Variants in SPATA9 observed in about 807,000 individuals in gnomAD.
SPATA9 encodes spermatogenesis-associated protein 9.
SPATA9 carries 27 observed loss-of-function variants against 25.5 expected under a neutral mutation model. The observed-to-expected ratio is 1.06, with a 90% CI of 0.78 to 1.46. The LOEUF (loss-of-function observed/expected upper bound fraction) is 1.46. Among genes scored for constraint, SPATA9 ranks in the 40% most tolerant of loss-of-function variants. SPATA9 has a pLI of 0.00. For synonymous variants in SPATA9, 102 were observed against 105.7 expected (o/e 0.97, Z 0.21); for missense variants, 282 against 297.5 (o/e 0.95, Z 0.38).
At chr5:95,695,760 TTAGA>T (rs1361905083) in intron 1 of SPATA9, among the ~76,000 whole-genome samples, 3 of 152,214 alleles carry the variant, frequency 2.0e-5, no homozygotes, top group African/African-American at 7.2e-5. Flanking sequence ...ATGCAGCTTC[TTAGA>T]TAGCCCAGTG....
At chr5:95,730,794 C>A in the SPATA9 span, 1 of 432,430 alleles carries the variant, frequency 2.3e-6, no homozygotes, top group Non-Finnish European at 4.7e-6. Context: ...GAACAAAGAA[C>A]TCTTTCTGCA....
At chr5:95,672,018 T>C (rs1176783331) in intron 3 of SPATA9, among the ~76,000 whole-genome samples, 1 of 151,518 alleles carries the variant, frequency 6.6e-6, no homozygotes. Context: ...CCACCCCCAA[T>C]GCCACGAACA....
chr5:95,689,647 G>A (rs1414269982), intron 1 of SPATA9, among the ~76,000 whole-genome samples: 1 of 151,982 alleles, frequency 6.6e-6, no homozygotes, highest in Non-Finnish European at 1.5e-5. Context: ...TATAGTGCAG[G>A]ACAAACACAT....
At chr5:95,663,398 T>G (rs958818577) in intron 4 of SPATA9, among the ~76,000 whole-genome samples, 2 of 152,220 alleles carry the variant, frequency 1.3e-5, no homozygotes, top group Admixed American at 1.3e-4. Flanking sequence ...TCTGGAATTA[T>G]GGTAATGTTT....
upstream of SPATA9, among the ~76,000 whole-genome samples, chr5:95,685,929 C>T (rs112126567): frequency 1.1e-3 from 167 of 152,244 alleles, no homozygotes; most frequent in Non-Finnish European, 1.6e-3. Flanking sequence ...CTTTGCCTCC[C>T]GGGTTCAAGC....
chr5:95,654,164 G>A (rs538433823), downstream of SPATA9: 1 of 1,612,554 alleles, frequency 6.2e-7, no homozygotes, highest in Admixed American at 1.7e-5. Flanking sequence ...AATGACAGCT[G>A]TTGTCCATGA....
intron 1 of SPATA9, among the ~76,000 whole-genome samples, chr5:95,695,469 G>C (rs6879292): frequency 0.18 from 27,885 of 151,992 alleles, 3,392 homozygotes; most frequent in African/African-American, 0.35. Context: ...GTGGTGGCAC[G>C]CACCTGCACT....
intron 1 of SPATA9, among the ~76,000 whole-genome samples, chr5:95,698,324 G>T (rs755423189): frequency 6.6e-6 from 1 of 151,968 alleles, no homozygotes. Flanking sequence ...GAGAGGGAAG[G>T]CTAAGTTCAC....
At chr5:95,721,452 G>A in the SPATA9 span, among the ~76,000 whole-genome samples, 1 of 152,176 alleles carries the variant, frequency 6.6e-6, no homozygotes, top group Non-Finnish European at 1.5e-5. Context: ...AACAGAATGG[G>A]CCTTGTCGGA....
At chr5:95,707,329 A>C in the SPATA9 span, among the ~76,000 whole-genome samples, 1 of 152,190 alleles carries the variant, frequency 6.6e-6, no homozygotes, top group African/African-American at 2.4e-5. Flanking sequence ...CTTTAGAACA[A>C]GAATAATTGT....
the SPATA9 span, among the ~76,000 whole-genome samples, chr5:95,708,011 C>T: frequency 2.6e-5 from 4 of 152,062 alleles, no homozygotes; most frequent in African/African-American, 9.7e-5. Context: ...ATTAAGAAAC[C>T]AATTTAATAT....
chr5:95,660,551 C>G (rs1751169217), intron 4 of SPATA9, among the ~76,000 whole-genome samples: 1 of 152,184 alleles, frequency 6.6e-6, no homozygotes, highest in South Asian at 2.1e-4. Context: ...TATCCAGACC[C>G]AGCACTAGAA....
upstream of SPATA9, among the ~76,000 whole-genome samples, chr5:95,685,548 C>T (rs1457131044): frequency 6.6e-6 from 1 of 152,222 alleles, no homozygotes; most frequent in African/African-American, 2.4e-5. Context: ...CTATGTCCTC[C>T]AGCTCACAGT....
chr5:95,687,140 T>C (rs1296021070), upstream of SPATA9, among the ~76,000 whole-genome samples: 1 of 152,192 alleles, frequency 6.6e-6, no homozygotes, highest in East Asian at 1.9e-4. Flanking sequence ...CAGATGCCAC[T>C]TGCCAGGCTG....
the SPATA9 span, among the ~76,000 whole-genome samples, chr5:95,726,756 T>C: frequency 1.3e-5 from 2 of 152,194 alleles, no homozygotes; most frequent in Non-Finnish European, 2.9e-5. Context: ...TTAAATATCA[T>C]TCATAAGTCT....
the SPATA9 span, among the ~76,000 whole-genome samples, chr5:95,711,888 A>C: frequency 2.0e-5 from 3 of 152,232 alleles, no homozygotes; most frequent in African/African-American, 7.2e-5. Context: ...AACCCGCCAC[A>C]CGGCTTGAAC....
chr5:95,698,457 CT>C (rs1227386942), intron 1 of SPATA9: 1 of 152,242 alleles, frequency 6.6e-6, no homozygotes, highest in Non-Finnish European at 1.5e-5. Context: ...AGATTGTTAT[CT>C]GGCCAGAAAT....
chr5:95,660,018 T>C (rs1181406790), intron 4 of SPATA9, among the ~76,000 whole-genome samples: 1 of 152,102 alleles, frequency 6.6e-6, no homozygotes, highest in East Asian at 1.9e-4. Context: ...AAAAAGTTTT[T>C]AGAAGAAAAA....
intron 4 of SPATA9, among the ~76,000 whole-genome samples, chr5:95,660,788 G>A (rs905007803): frequency 7.9e-5 from 12 of 152,150 alleles, no homozygotes; most frequent in African/African-American, 2.9e-4. Flanking sequence ...TTCTATCTTT[G>A]TTTTTAACCT....
Sources: allele counts gnomAD v4.1 joint callset (sites outside exome capture counted in the v4.1 genomes callset), GRCh38; gene constraint gnomAD v4.1.1; transcripts MANE v1.5; gene names NCBI Gene and HGNC (gene_info 2026-07-23, HGNC 2026-07-21).